Variants in USP10 observed in about 807,000 individuals in gnomAD.
The protein encoded by USP10 is ubiquitin specific peptidase 10.
USP10 carries 22 observed loss-of-function variants against 84.5 expected under a neutral mutation model. The observed-to-expected ratio is 0.26, with a 90% CI of 0.19 to 0.37. USP10 has a LOEUF of 0.37. Ranked by LOEUF, USP10 falls within the 10% of genes least tolerant of loss-of-function variation. USP10 has a pLI of 1.00. For synonymous variants in USP10, 454 were observed against 387.6 expected (o/e 1.17, Z -2.01); for missense variants, 1,019 against 998.9 (o/e 1.02, Z -0.27).
At chr16:84,774,419 T>C (rs188013521) in intron 12 of USP10, among the ~76,000 whole-genome samples, 52 of 152,184 alleles carry the variant, frequency 3.4e-4, no homozygotes, top group African/African-American at 1.3e-3. Flanking sequence ...GCTGGTAGAC[T>C]GGTTCCTATT....
rs1186521240 is a variant in USP10 at position 84,744,947 on chromosome 16, C to G, written c.466C>G (p.Pro156Ala). ...QRERKKKKKR[P>A]PGYYSYLKDG... ...GGAGCGTAAAAAGAAGAAAAAGCGGCCACCTGGATATTACAGCTATTTGAA... is the reference window on the plus strand; with the variant it reads ...GGAGCGTAAAAAGAAGAAAAAGCGGGCACCTGGATATTACAGCTATTTGAA... The change falls in exon 4 of 14, where the codon CCA becomes GCA. Residue 156 changes from proline to alanine, a missense_variant. Coordinates refer to ENST00000219473, the MANE Select transcript of USP10 (RefSeq NM_005153.3). 1.2e-6 allele frequency: 2 copies of G among 1,613,752 alleles called. No individual in the cohort carries two copies. The highest frequency in any genetic ancestry group is 3.3e-5 in the Admixed American group (2 of 60,008).
At chr16:84,710,611 C>G (rs569637163) in intron 1 of USP10, among the ~76,000 whole-genome samples, 1 of 152,074 alleles carries the variant, frequency 6.6e-6, no homozygotes, top group Admixed American at 6.6e-5. Context: ...TGATTATATT[C>G]GTAGAAAATA....
chr16:84,766,417 G>A (rs908253034), intron 10 of USP10, among the ~76,000 whole-genome samples: 3 of 152,376 alleles, frequency 2.0e-5, no homozygotes, highest in East Asian at 1.9e-4. Context: ...GGGACACGTC[G>A]TGTTGGGAGG....
intron 8 of USP10, among the ~76,000 whole-genome samples, chr16:84,760,528 T>C (rs999853252): frequency 4.6e-5 from 7 of 152,230 alleles, no homozygotes; most frequent in Non-Finnish European, 8.8e-5. Flanking sequence ...GTGAAGCCAC[T>C]GTCTGAGGTC....
chr16:84,723,717 A>C (rs925400071), intron 1 of USP10, among the ~76,000 whole-genome samples: 1 of 152,240 alleles, frequency 6.6e-6, no homozygotes, highest in African/African-American at 2.4e-5. Flanking sequence ...TACTTTAAAG[A>C]AATCAGCTTT....
rs564315166 is a variant in USP10 at position 84,700,056 on chromosome 16, C to T, written c.-35C>T. 1.0e-5 allele frequency: 14 copies of T among 1,364,696 alleles called. No homozygotes were observed. Among genetic ancestry groups the T allele is most frequent in the South Asian group, 8.2e-5 (6 of 73,570 alleles). The allele number at this position is 1,364,696 out of a possible 1,614,324, so 84.5% of individuals were successfully genotyped here. A position where few individuals can be genotyped will look rare whatever the true frequency, so the allele number is the denominator to read the frequency against. On this transcript the variant is annotated 5_prime_UTR_variant, in exon 1 of 14. Transcript: ENST00000219473. ...CGGCGGGGGAAGCAGCGTGAGCAGC[C>T]GGAGGATCGCGGAGTCCCAATGAAA...
At chr16:84,703,162 A>G (rs1223978355) in intron 1 of USP10, among the ~76,000 whole-genome samples, 1 of 152,202 alleles carries the variant, frequency 6.6e-6, no homozygotes, top group Non-Finnish European at 1.5e-5. Context: ...GTAACTCAGC[A>G]TTTTAGCAAA....
chr16:84,779,175 GAAA>G lies in USP10; in HGVS notation c.*94_*96del, dbSNP rs1915326671. 1 of 1,457,858 alleles carries G rather than the reference GAAA, an allele frequency of 6.9e-7. No homozygotes were observed. Among genetic ancestry groups the G allele is most frequent in the African/African-American group, 1.4e-5 (1 of 70,966 alleles). 90.3% of individuals were successfully genotyped at this position (1,457,858 alleles called of 1,614,324 possible). ...CCTCTCTTTAGTGGCTCTTTAGAGA[GAAA>G]CTCTTTCTCCCTTTGCAAAAATGGG... On this transcript the variant is annotated 3_prime_UTR_variant, in exon 14 of 14. Coordinates refer to ENST00000219473, the MANE Select transcript of USP10 (RefSeq NM_005153.3).
intron 1 of USP10, among the ~76,000 whole-genome samples, chr16:84,723,433 A>T (rs867051372): frequency 6.6e-6 from 1 of 152,234 alleles, no homozygotes; most frequent in Non-Finnish European, 1.5e-5. Flanking sequence ...TAGCTGGAAC[A>T]TCTCTGGTGA....
intron 4 of USP10, among the ~76,000 whole-genome samples, chr16:84,753,716 TG>T (rs1912202537): frequency 6.6e-6 from 1 of 152,256 alleles, no homozygotes; most frequent in African/African-American, 2.4e-5. Context: ...CTTTAAAGTC[TG>T]TTGAGTCATT....
chr16:84,762,135 C>T (rs1041230994), intron 8 of USP10, among the ~76,000 whole-genome samples: 62 of 152,222 alleles, frequency 4.1e-4, no homozygotes, highest in Admixed American at 3.4e-3. Flanking sequence ...TTGGGTGACT[C>T]GTCTGTGAAT....
At chr16:84,762,810 C>T (rs538058732) in intron 8 of USP10, among the ~76,000 whole-genome samples, 179 bp from the exon 9 acceptor site, 1 of 152,168 alleles carries the variant, frequency 6.6e-6, no homozygotes, top group Non-Finnish European at 1.5e-5. Context: ...TCTCCTTTTC[C>T]TCCTACTCTT....
chr16:84,769,204 C>G (rs1231705547), intron 11 of USP10, among the ~76,000 whole-genome samples: 1 of 152,104 alleles, frequency 6.6e-6, no homozygotes, highest in South Asian at 2.1e-4. Context: ...AATAAGGTGC[C>G]CCAACGTAGA....
chr16:84,711,713 G>A (rs935120478), intron 1 of USP10, among the ~76,000 whole-genome samples: 1 of 143,534 alleles, frequency 7.0e-6, no homozygotes, highest in Non-Finnish European at 1.5e-5. Flanking sequence ...CGTGAGGAAG[G>A]GCTAGCTTTT....
intron 1 of USP10, among the ~76,000 whole-genome samples, chr16:84,731,703 G>A (rs970137267): frequency 6.6e-6 from 1 of 151,696 alleles, no homozygotes; most frequent in Non-Finnish European, 1.5e-5. Context: ...AAGACGTTCT[G>A]TTGAGTTTTT....
chr16:84,712,330 A>G (rs926686987), intron 1 of USP10, among the ~76,000 whole-genome samples: 1 of 152,176 alleles, frequency 6.6e-6, no homozygotes, highest in African/African-American at 2.4e-5. Context: ...GCAGAGGCCA[A>G]CACCACATGG....
chr16:84,749,656 C>A (rs1221110923), intron 4 of USP10, among the ~76,000 whole-genome samples: 1 of 152,070 alleles, frequency 6.6e-6, no homozygotes, highest in South Asian at 2.1e-4. Context: ...CAAATACTCA[C>A]ATTTCTGGAC....
intron 3 of USP10, among the ~76,000 whole-genome samples, chr16:84,741,159 A>G (rs1462174685): frequency 1.3e-5 from 2 of 152,206 alleles, no homozygotes; most frequent in Non-Finnish European, 2.9e-5. Context: ...TTTTAATTAC[A>G]ATTTAGGCTT....
intron 5 of USP10, 50 bp from the exon 6 acceptor site, chr16:84,759,313 T>C (rs773586266): frequency 9.1e-6 from 14 of 1,540,086 alleles, no homozygotes; most frequent in Non-Finnish European, 9.9e-6. Flanking sequence ...CTTCAGGAAA[T>C]GTGGTGTGTC....
Sources: gnomAD v4.1 joint callset for allele counts (sites outside exome capture counted in the v4.1 genomes callset) on GRCh38, gnomAD v4.1.1 for gene constraint, MANE v1.5 for transcripts, NCBI Gene and HGNC (gene_info 2026-07-23, HGNC 2026-07-21) for gene names.